DPYSL2: variants seen among roughly 807,000 people sequenced by gnomAD.
The protein encoded by DPYSL2 is dihydropyrimidinase like 2, also known as dihydropyrimidinase-related protein 2.
Under a neutral mutation model 69.9 loss-of-function variants are expected in DPYSL2, and 13 were observed. The observed-to-expected ratio is 0.19, with a 90% CI of 0.12 to 0.30. DPYSL2 has a LOEUF of 0.30. DPYSL2 is among the 10% of genes least tolerant of loss of function. The probability of loss-of-function intolerance (pLI) is 1.00; values close to 1 mark genes in which losing one functional copy is unlikely to be tolerated. For synonymous variants in DPYSL2, 326 were observed against 359.1 expected, an observed-to-expected ratio of 0.91 and a Z score of 1.04; for missense variants, 587 against 918.9, an observed-to-expected ratio of 0.64 and a Z score of 4.67.
chr8:26,592,703 C>T (rs1241714590), intron 3 of DPYSL2, among the ~76,000 whole-genome samples: 1 of 148,616 alleles, frequency 6.7e-6, no homozygotes, highest in African/African-American at 2.5e-5. Context: ...TCACGAACTC[C>T]TGACCTCAGG....
chr8:26,547,879 A>G, intron 1 of DPYSL2: 1 of 288,106 alleles, frequency 3.5e-6, no homozygotes, highest in East Asian at 8.1e-5. Flanking sequence ...GGCTGATCTG[A>G]CCTCCCTCTG....
chr8:26,608,083 A>C (rs1390730382), intron 3 of DPYSL2, among the ~76,000 whole-genome samples: 1 of 151,950 alleles, frequency 6.6e-6, no homozygotes, highest in African/African-American at 2.4e-5. Context: ...TCTCAAAAAA[A>C]AAAAAAAAAA....
chr8:26,569,653 CAAAA>C (rs1801208484), intron 1 of DPYSL2, among the ~76,000 whole-genome samples: 1 of 152,016 alleles, frequency 6.6e-6, no homozygotes, highest in Non-Finnish European at 1.5e-5. Flanking sequence ...AACAAATGCA[CAAAA>C]ATACTTCCAA....
chr8:26,592,481 T>G (rs540181259), intron 3 of DPYSL2, among the ~76,000 whole-genome samples: 4,353 of 147,510 alleles, frequency 0.03, 100 homozygotes, highest in Middle Eastern at 0.077. Context: ...TTTTTGTTTT[T>G]TTTTTTTTAT....
intron 8 of DPYSL2, among the ~76,000 whole-genome samples, chr8:26,636,141 C>T (rs540177123): frequency 5.4e-4 from 82 of 152,204 alleles, no homozygotes; most frequent in African/African-American, 1.9e-3. Context: ...TCTCCTGGCA[C>T]CTTGAAGGAA....
rs1420679255 is a variant in DPYSL2 at position 26,560,373 on chromosome 8, A to G, written c.355-21596A>G. ...ATTTTCACTTTATTCTCTATTTAAG[A>G]TAACATTTAGCTTTTATTACAATGA... On this transcript the variant is annotated intron_variant, in intron 1 of 13. Transcript: ENST00000521913. This position sits in a 1 kb window ranked among gnomAD's most constrained non-coding sequence, Gnocchi z 4.4. Among the ~76,000 whole-genome samples, 1 of 152,214 alleles carries G rather than the reference A, an allele frequency of 6.6e-6. No homozygotes were observed. The highest frequency in any genetic ancestry group is 1.5e-5 in the Non-Finnish European group (1 of 68,042).
In DPYSL2 at chr8:26,580,159, C is replaced by G. The variant is rs1177605692; in HGVS notation, c.355-1810C>G. Among the ~76,000 whole-genome samples, 4 of 152,032 alleles carry G rather than the reference C, an allele frequency of 2.6e-5. No individual in the cohort carries two copies. The highest frequency in any genetic ancestry group is 5.9e-5 in the Non-Finnish European group (4 of 68,000). ...GCGGTGATGGCTGGGGCAGGTACCA[C>G]AGTGACTGTGGAGGCAGGAGGTGAA... On this transcript the variant is annotated intron_variant, in intron 1 of 13. Coordinates refer to ENST00000521913, the MANE Select transcript of DPYSL2 (RefSeq NM_001197293.3). This position sits in a 1 kb window ranked among gnomAD's most constrained non-coding sequence, Gnocchi z 4.1.
intron 1 of DPYSL2, among the ~76,000 whole-genome samples, chr8:26,576,360 T>C (rs1165529422): frequency 6.6e-6 from 1 of 152,096 alleles, no homozygotes; most frequent in South Asian, 2.1e-4. Flanking sequence ...AATTACATAC[T>C]CTTTCTTCCC....
At chr8:26,541,624 G>A (rs544350627) in intron 1 of DPYSL2, among the ~76,000 whole-genome samples, 12 of 152,124 alleles carry the variant, frequency 7.9e-5, no homozygotes, top group Non-Finnish European at 1.3e-4. Context: ...AGAAAATGTC[G>A]CTAATGGATA....
chr8:26,543,101 A>T (rs1421670570), intron 1 of DPYSL2, among the ~76,000 whole-genome samples: 1 of 152,218 alleles, frequency 6.6e-6, no homozygotes, highest in Non-Finnish European at 1.5e-5. Flanking sequence ...CAGAATTCCA[A>T]TTAAAATACT....
chr8:26,524,424 C>A (rs1218926787), intron 1 of DPYSL2, among the ~76,000 whole-genome samples: 1 of 152,106 alleles, frequency 6.6e-6, no homozygotes, highest in Non-Finnish European at 1.5e-5. Flanking sequence ...AGAAAAAAAT[C>A]ATCCATAATC....
chr8:26,657,683 G>T lies in DPYSL2; in HGVS notation c.*1977G>T, dbSNP rs1273783592. 1 of 152,602 alleles carries T rather than the reference G, an allele frequency of 6.6e-6. No homozygotes were observed. 9.5% of individuals were successfully genotyped at this position (152,602 alleles called of 1,614,324 possible). ...AAAACAATTTTTGTTTCAATTCTAAGAAACACTTGCAGCTCTAGTATTCAC... is the reference window on the plus strand; with the variant it reads ...AAAACAATTTTTGTTTCAATTCTAATAAACACTTGCAGCTCTAGTATTCAC... On this transcript the variant is annotated 3_prime_UTR_variant, in exon 14 of 14. Transcript: ENST00000521913.
chr8:26,622,965 T>G (rs1802532096), intron 3 of DPYSL2, among the ~76,000 whole-genome samples: 1 of 152,202 alleles, frequency 6.6e-6, no homozygotes, highest in African/African-American at 2.4e-5. Flanking sequence ...AAGTGTTCAG[T>G]CCTGGTTTTT....
chr8:26,586,501 C>T lies in DPYSL2; in HGVS notation c.628+2518C>T, dbSNP rs1027718201. On this transcript the variant is annotated intron_variant, in intron 3 of 13. Coordinates refer to ENST00000521913, the MANE Select transcript of DPYSL2 (RefSeq NM_001197293.3). The surrounding 1 kb of genome is among the most constrained non-coding windows in gnomAD (Gnocchi z 4.7). ...CCTGGGTCTGCCTCTTCCCTCCACA[C>T]GCTCGCCCCGTGCTTAGGCCCCCAC... 5.3e-4 allele frequency among the ~76,000 whole-genome samples: 81 copies of T among 152,300 alleles called. No individual in the cohort carries two copies. The highest frequency in any genetic ancestry group is 1.9e-3 in the African/African-American group (80 of 41,546).
chr8:26,607,489 A>T (rs567443649), intron 3 of DPYSL2, among the ~76,000 whole-genome samples: 1 of 144,604 alleles, frequency 6.9e-6, no homozygotes, highest in Non-Finnish European at 1.5e-5. Flanking sequence ...TCTCAAAAAA[A>T]AAAAAAAAAT....
intron 1 of DPYSL2, among the ~76,000 whole-genome samples, chr8:26,539,113 T>C (rs943398012): frequency 2.0e-5 from 3 of 152,244 alleles, no homozygotes; most frequent in African/African-American, 4.8e-5. Flanking sequence ...GTTTCTGCAT[T>C]AAATTGCTTA....
intron 1 of DPYSL2, among the ~76,000 whole-genome samples, chr8:26,515,885 C>G (rs1005807937): frequency 2.0e-5 from 3 of 152,202 alleles, no homozygotes; most frequent in Non-Finnish European, 4.4e-5. Flanking sequence ...TCTCAGAGGG[C>G]TTCCAGAGTA....
chr8:26,618,133 G>C (rs557986838), intron 3 of DPYSL2, among the ~76,000 whole-genome samples: 1 of 152,066 alleles, frequency 6.6e-6, no homozygotes. Context: ...ACTGTCCTGG[G>C]GCATGTTCCT....
At position 26,655,905 on chromosome 8, in the gene DPYSL2, T is replaced by C; in HGVS notation, c.*199T>C. 1 of 469,976 alleles carries C rather than the reference T, an allele frequency of 2.1e-6. No individual in the cohort carries two copies. Among genetic ancestry groups the C allele is most frequent in the Non-Finnish European group, 3.8e-6 (1 of 265,004 alleles). The allele number at this position is 469,976 out of a possible 1,614,324, so 29.1% of individuals were successfully genotyped here. ...CACCAAGAGTTACTGATTTTGCTCA[T>C]CCACTTCCCTACACATCTATGGGTA... On this transcript the variant is annotated 3_prime_UTR_variant, in exon 14 of 14. Transcript: ENST00000521913.
Sources: gnomAD v4.1 joint callset for allele counts (sites outside exome capture counted in the v4.1 genomes callset) on GRCh38, gnomAD v4.1.1 for gene constraint, Gnocchi (gnomAD v3.1) non-coding constraint, MANE v1.5 for transcripts, NCBI Gene and HGNC (gene_info 2026-07-23, HGNC 2026-07-21) for gene names.